DMD: variants seen among roughly 807,000 people sequenced by gnomAD.
The protein encoded by DMD is mutant dystrophin.
Under a neutral mutation model 330.1 loss-of-function variants are expected in DMD, and 63 were observed. That is an observed-to-expected ratio of 0.19 (90% CI 0.16 to 0.24). The LOEUF is 0.24. Among genes scored for constraint, DMD ranks in the 10% least tolerant of loss-of-function variants. The pLI is 1.00. For missense variants in DMD, 3,344 were observed against 2,684.1 expected (o/e 1.25, Z -5.43); for synonymous variants, 1,223 against 959.8 (o/e 1.27, Z -5.07).
intron 12 of DMD, among the ~76,000 whole-genome samples, chrX:32,610,685 A>G (rs941373696): frequency 9.0e-6 from 1 of 111,415 alleles, no homozygotes; most frequent in Non-Finnish European, 1.9e-5. Context: ...GTCATCTGCA[A>G]TCATCTTTAA....
At chrX:31,902,663 G>A (rs757248387) in intron 47 of DMD, among the ~76,000 whole-genome samples, 16 of 111,382 alleles carry the variant, frequency 1.4e-4, no homozygotes, top group Non-Finnish European at 3.0e-4. Flanking sequence ...TGTAACTGAC[G>A]GTTAAACTAC....
At chrX:32,923,832 TAA>T (rs1485312576) in intron 2 of DMD, among the ~76,000 whole-genome samples, 1 of 111,532 alleles carries the variant, frequency 9.0e-6, no homozygotes, top group African/African-American at 3.3e-5. Context: ...CATTGTAAAA[TAA>T]GAGTTTAAAT....
intron 44 of DMD, among the ~76,000 whole-genome samples, chrX:31,996,119 AAC>A (rs1172885345): frequency 1.1e-4 from 12 of 112,255 alleles, no homozygotes; most frequent in African/African-American, 3.9e-4. Flanking sequence ...GCGAAGGGAC[AAC>A]ACATAGGCAT....
At chrX:33,016,543 G>A (rs967306240) in intron 2 of DMD, among the ~76,000 whole-genome samples, 12 of 111,123 alleles carry the variant, frequency 1.1e-4, no homozygotes, top group African/African-American at 3.3e-4. Context: ...TTTGGTCCAG[G>A]AACACTATCA....
intron 1 of DMD, among the ~76,000 whole-genome samples, chrX:33,205,204 T>C (rs1302251244): frequency 8.9e-6 from 1 of 112,647 alleles, no homozygotes; most frequent in Admixed American, 9.4e-5. Flanking sequence ...ATGTGAGTCA[T>C]TGGGATTCAT....
intron 7 of DMD, among the ~76,000 whole-genome samples, chrX:32,715,423 G>A (rs2065598495): frequency 1.1e-5 from 1 of 94,329 alleles, no homozygotes; most frequent in Non-Finnish European, 2.0e-5. Flanking sequence ...GTTGCAGTGA[G>A]CCGAGATTGT....
intron 12 of DMD, among the ~76,000 whole-genome samples, chrX:32,609,000 T>A (rs976397512): frequency 2.7e-5 from 3 of 111,050 alleles, no homozygotes; most frequent in Non-Finnish European, 3.8e-5. Context: ...ACTGAATCAC[T>A]TATCCTTCTT....
chrX:32,721,009 T>G (rs183088057), intron 7 of DMD, among the ~76,000 whole-genome samples: 119 of 111,703 alleles, frequency 1.1e-3, no homozygotes, highest in Non-Finnish European at 2.0e-3. Flanking sequence ...TAGTGTAATT[T>G]CCTTCAGGCT....
chrX:31,136,930 T>C (rs1423772581), intron 76 of DMD, among the ~76,000 whole-genome samples: 1 of 112,512 alleles, frequency 8.9e-6, no homozygotes, highest in Non-Finnish European at 1.9e-5. Context: ...TTCTAGGTAG[T>C]ATAAAAACAA....
chrX:32,606,238 G>A (rs974868626), intron 12 of DMD, among the ~76,000 whole-genome samples: 6 of 109,860 alleles, frequency 5.5e-5, no homozygotes, highest in African/African-American at 2.0e-4. Context: ...GACTTCAATT[G>A]TTTTAATTTT....
intron 30 of DMD, among the ~76,000 whole-genome samples, chrX:32,404,638 G>C (rs918185204): frequency 1.8e-5 from 2 of 111,441 alleles, no homozygotes; most frequent in African/African-American, 6.5e-5. Context: ...CCCATGTTGG[G>C]TTGTTCTTAC....
At chrX:33,236,893 CTTATCTA>C (rs1489580351) in intron 1 of DMD, among the ~76,000 whole-genome samples, 3 of 110,858 alleles carry the variant, frequency 2.7e-5, no homozygotes, top group Non-Finnish European at 5.7e-5. Context: ...TTCAATGTAC[CTTATCTA>C]TTAATTATGT....
chrX:31,416,954 C>G (rs2061901565), intron 60 of DMD, among the ~76,000 whole-genome samples: 1 of 112,216 alleles, frequency 8.9e-6, no homozygotes, highest in African/African-American at 3.2e-5. Flanking sequence ...CCAGCAAGAA[C>G]AGAGACTGAA....
Position 31,205,504 on chromosome X carries a change from C to CATGT in DMD, c.9649+1077_9649+1078insACAT, listed in dbSNP as rs201921652. ...ATTATTCAATTTAATATTATATTTA[C>CATGT]AATGTGCTGTCACTATACCATATAT... is the stretch of plus-strand genomic sequence containing the variant. On this transcript the variant is annotated intron_variant, in intron 66 of 78. Transcript: ENST00000357033. Among the ~76,000 whole-genome samples, 219 of 112,228 alleles carry CATGT rather than the reference C, an allele frequency of 2.0e-3. 2 individuals are homozygous for CATGT. The highest frequency in any genetic ancestry group is 6.6e-3 in the African/African-American group (205 of 30,947).
chrX:31,616,797 G>A (rs1347196526), intron 55 of DMD, among the ~76,000 whole-genome samples: 1 of 111,623 alleles, frequency 9.0e-6, no homozygotes. Flanking sequence ...GAGTGTGAAT[G>A]AGAGTGGAGG....
In DMD at chrX:31,843,961, C is replaced by T. The variant is rs754897294; in HGVS notation, c.7099-7142G>A. Among the ~76,000 whole-genome samples, 27 of 110,294 alleles carry T rather than the reference C, an allele frequency of 2.4e-4. No homozygotes were observed. The South Asian group carries it at 7.8e-3, about 32-fold the overall frequency. ...GCAACCTCCGACTCCCTGGCTCAAG[C>T]GGTTCTCCTGCCTCAGCCTCCCAAG... On this transcript the variant is annotated intron_variant, in intron 48 of 78. Transcript: ENST00000357033.
chrX:32,036,208 C>G (rs1429919533), intron 44 of DMD, among the ~76,000 whole-genome samples: 1 of 111,561 alleles, frequency 9.0e-6, no homozygotes, highest in African/African-American at 3.3e-5. Flanking sequence ...TAAAAAATTA[C>G]TCTAGCTTTT....
chrX:31,138,134 G>A (rs1322322297), intron 76 of DMD, among the ~76,000 whole-genome samples: 1 of 111,566 alleles, frequency 9.0e-6, no homozygotes, highest in Non-Finnish European at 1.9e-5. Context: ...GACTGGTTGG[G>A]GTTGCCCGCT....
At chrX:31,474,721 AT>A (rs778135067) in intron 59 of DMD, among the ~76,000 whole-genome samples, 2,328 of 99,220 alleles carry the variant, frequency 0.023, 98 homozygotes, top group East Asian at 0.074. Flanking sequence ...AAAAAATAAA[AT>A]AAAATAAAAT....
Sources: allele counts gnomAD v4.1 joint callset (sites outside exome capture counted in the v4.1 genomes callset), GRCh38; gene constraint gnomAD v4.1.1; transcripts MANE v1.5; gene names NCBI Gene and HGNC (gene_info 2026-07-23, HGNC 2026-07-21).